The following GPHN variants were observed in gnomAD, a reference collection of about 807,000 sequenced individuals.
The protein encoded by GPHN is gephyrin.
A neutral mutation model predicts 95.5 loss-of-function variants in GPHN; 17 were observed. The ratio of observed to expected loss-of-function variants is 0.18; its 90% CI spans 0.12 to 0.27. The LOEUF is 0.27. Ranked by LOEUF, GPHN falls within the 10% of genes least tolerant of loss-of-function variation. The pLI, the probability that GPHN is intolerant of heterozygous loss-of-function variation, is 1.00. For missense variants in GPHN, 660 were observed against 978.1 expected, an observed-to-expected ratio of 0.67 and a Z score of 4.34; for synonymous variants, 320 against 322.5, an observed-to-expected ratio of 0.99 and a Z score of 0.08.
chr14:66,821,207 A>G (rs1248868640), intron 3 of GPHN, among the ~76,000 whole-genome samples: 1 of 152,244 alleles, frequency 6.6e-6, no homozygotes, highest in Non-Finnish European at 1.5e-5. Flanking sequence ...AAGTTAAATA[A>G]GATAAATTTA....
At chr14:67,182,419 A>G (rs2140220494), downstream of GPHN, among the ~76,000 whole-genome samples, 1 of 152,228 alleles carries the variant, frequency 6.6e-6, no homozygotes, top group East Asian at 1.9e-4. Flanking sequence ...GCCTACTAGT[A>G]AACAAAATGT....
At chr14:66,792,487 GAAAA>G (rs113886078) in intron 3 of GPHN, among the ~76,000 whole-genome samples, 1 of 113,388 alleles carries the variant, frequency 8.8e-6, no homozygotes, top group South Asian at 2.8e-4. Context: ...CACAGAAAAA[GAAAA>G]AAAAAAAAAC....
chr14:66,769,103 C>T (rs1457289965), intron 2 of GPHN, among the ~76,000 whole-genome samples: 1 of 151,868 alleles, frequency 6.6e-6, no homozygotes, highest in Non-Finnish European at 1.5e-5. Flanking sequence ...AATACTGGGA[C>T]ATGAGGCTGA....
chr14:66,824,403 C>G (rs1196533757), intron 3 of GPHN, 71 bp from the exon 4 acceptor site: 13 of 769,216 alleles, frequency 1.7e-5, no homozygotes, highest in Admixed American at 8.9e-5. Context: ...TACAAAGTGT[C>G]CTAGGACTGG....
chr14:67,025,153 T>G (rs2073859892), intron 10 of GPHN, among the ~76,000 whole-genome samples: 1 of 152,142 alleles, frequency 6.6e-6, no homozygotes, highest in Non-Finnish European at 1.5e-5. Flanking sequence ...GTCCTAGGAG[T>G]AAGGAATCCT....
At chr14:67,059,737 C>T (rs1431741863) in intron 11 of GPHN, among the ~76,000 whole-genome samples, 1 of 152,162 alleles carries the variant, frequency 6.6e-6, no homozygotes, top group Non-Finnish European at 1.5e-5. Flanking sequence ...CAGATTTTAG[C>T]TCTTTCGTCT....
At chr14:67,253,673 T>A in the GPHN span, among the ~76,000 whole-genome samples, 12,095 of 152,084 alleles carry the variant, frequency 0.08, 1,141 homozygotes, top group African/African-American at 0.23. Context: ...AGTGGGACCC[T>A]GTACCTACAA....
the GPHN span, among the ~76,000 whole-genome samples, chr14:67,595,325 G>C: frequency 6.6e-6 from 1 of 152,136 alleles, no homozygotes; most frequent in Non-Finnish European, 1.5e-5. Context: ...TTGAAGTACC[G>C]TTCCTACTGA....
chr14:66,576,585 C>A (rs976473065), intron 1 of GPHN, among the ~76,000 whole-genome samples: 9 of 151,988 alleles, frequency 5.9e-5, no homozygotes, highest in Admixed American at 5.2e-4. Context: ...AGGAGGCTAA[C>A]ATACTTATCT....
At chr14:67,380,766 G>A in the GPHN span, 1 of 1,485,232 alleles carries the variant, frequency 6.7e-7, no homozygotes, top group Non-Finnish European at 9.0e-7. Context: ...ATTCGAGCAG[G>A]TAAATGATTT....
chr14:67,106,192 T>G (rs2078031957), intron 13 of GPHN, among the ~76,000 whole-genome samples: 2 of 152,136 alleles, frequency 1.3e-5, no homozygotes, highest in Non-Finnish European at 2.9e-5. Context: ...TTAGAAATTT[T>G]TTTATTTCAG....
intron 1 of GPHN, among the ~76,000 whole-genome samples, chr14:66,580,393 TAGAAG>T (rs1345959441): frequency 1.3e-5 from 2 of 151,494 alleles, no homozygotes; most frequent in Non-Finnish European, 3.0e-5. Context: ...ATAAAAGCAA[TAGAAG>T]AGATCAACAA....
chr14:67,625,027 T>C, the GPHN span, among the ~76,000 whole-genome samples: 57 of 152,132 alleles, frequency 3.7e-4, no homozygotes, highest in Non-Finnish European at 3.8e-4. Flanking sequence ...CCCCAGAAAA[T>C]TGTCATTTGA....
the GPHN span, among the ~76,000 whole-genome samples, chr14:67,377,740 T>C: frequency 6.6e-6 from 1 of 152,176 alleles, no homozygotes; most frequent in Non-Finnish European, 1.5e-5. Context: ...GTTTCTTCCA[T>C]TTATACTATA....
intron 5 of GPHN, among the ~76,000 whole-genome samples, chr14:66,896,405 G>C (rs1255222729): frequency 1.3e-5 from 2 of 152,062 alleles, no homozygotes; most frequent in East Asian, 3.9e-4. Context: ...GATCACTTGA[G>C]TCCAGAAGTT....
chr14:66,934,365 A>G (rs1233324684), intron 8 of GPHN, among the ~76,000 whole-genome samples: 4 of 152,164 alleles, frequency 2.6e-5, no homozygotes, highest in African/African-American at 9.7e-5. Flanking sequence ...CTTGTAATTG[A>G]CATTTGTTCG....
At chr14:67,334,007 A>G in the GPHN span, 1 of 152,626 alleles carries the variant, frequency 6.6e-6, no homozygotes, top group Non-Finnish European at 1.5e-5. Context: ...AGATCAACAA[A>G]TGGTCATTGA....
At chr14:67,642,210 AT>A in the GPHN span, 7 of 1,613,820 alleles carry the variant, frequency 4.3e-6, no homozygotes, top group African/African-American at 5.3e-5. Flanking sequence ...GACTTTGGAG[AT>A]TTGAGTTTTA....
the GPHN span, chr14:67,589,757 C>T: frequency 9.7e-7 from 1 of 1,035,834 alleles, no homozygotes; most frequent in African/African-American, 1.7e-5. Flanking sequence ...GCTTCACAAA[C>T]ATCAACAAAG....
Sources: gnomAD v4.1 joint callset for allele counts (sites outside exome capture counted in the v4.1 genomes callset) on GRCh38, gnomAD v4.1.1 for gene constraint, MANE v1.5 for transcripts, NCBI Gene and HGNC (gene_info 2026-07-23, HGNC 2026-07-21) for gene names.